Variants in AKR1B15 observed in about 807,000 individuals in gnomAD.
The protein encoded by AKR1B15 is aldo-keto reductase family 1 member B15.
In AKR1B15, 49 loss-of-function variants were observed where a neutral mutation model predicts 38.5. The ratio of observed to expected loss-of-function variants is 1.27; its 90% CI spans 1.01 to 1.62. AKR1B15 has a LOEUF of 1.62. Among genes scored for constraint, AKR1B15 ranks in the 40% most tolerant of loss-of-function variants. The pLI is 0.00. For missense variants in AKR1B15, 411 were observed against 381.6 expected (o/e 1.08, Z -0.64); for synonymous variants, 137 against 135.5 (o/e 1.01, Z -0.08).
At chr7:134,564,819 T>C (rs987034236) in intron 3 of AKR1B15, 50 bp downstream of exon 3, 7 of 581,142 alleles carry the variant, frequency 1.2e-5, no homozygotes, top group African/African-American at 1.1e-4. Flanking sequence ...AGTTGTGGTG[T>C]CCTGTTTAGA....
chr7:134,579,542 A>G lies in AKR1B15; in HGVS notation c.1028A>G (p.Glu343Gly). 1.2e-6 allele frequency: 2 copies of G among 1,600,274 alleles called. No homozygotes were observed. Among genetic ancestry groups the G allele is most frequent in the Non-Finnish European group, 1.7e-6 (2 of 1,172,824 alleles). The change falls in exon 12 of 12, where the codon GAA (glutamate) becomes GGA (glycine). Residue 343 changes from glutamate (E) to glycine (G), a missense_variant. Physicochemically the swap from Glu to Gly is moderately conservative, Grantham distance 98 (BLOSUM62 -2). Coordinates refer to ENST00000457545, the MANE Select transcript of AKR1B15 (RefSeq NM_001080538.3). ...TTGGAGGACTTTCCCTTCGATGCAG[A>G]ATATTGAGGTTGAATCTCCTGGTGA... ...SHLEDFPFDAEY is the reference protein window; with the variant it reads ...SHLEDFPFDAGY
At chr7:134,561,938 C>G (rs189115943) in intron 2 of AKR1B15, among the ~76,000 whole-genome samples, 4 of 152,288 alleles carry the variant, frequency 2.6e-5, no homozygotes, top group African/African-American at 9.6e-5. Flanking sequence ...CACAGGGAAA[C>G]CATCACAGGG....
intron 4 of AKR1B15, 57 bp downstream of exon 4, chr7:134,568,382 G>A: frequency 6.3e-7 from 1 of 1,597,352 alleles, no homozygotes; most frequent in Non-Finnish European, 8.5e-7. Flanking sequence ...GAAGTATCTG[G>A]ATCGGGTGGG....
chr7:134,567,680 G>A (rs1794570039), intron 3 of AKR1B15, among the ~76,000 whole-genome samples: 1 of 152,102 alleles, frequency 6.6e-6, no homozygotes, highest in African/African-American at 2.4e-5. Context: ...CACCGTTTGG[G>A]GAAATTGTCT....
At chr7:134,562,878 CTTT>C (rs1794448596) in intron 2 of AKR1B15, among the ~76,000 whole-genome samples, 1 of 135,072 alleles carries the variant, frequency 7.4e-6, no homozygotes, top group East Asian at 2.1e-4. Context: ...TTCTTTCTTT[CTTT>C]CTTTCTTTCC....
intron 6 of AKR1B15, among the ~76,000 whole-genome samples, chr7:134,572,601 C>T (rs1270026778): frequency 6.6e-6 from 1 of 150,776 alleles, no homozygotes; most frequent in African/African-American, 2.4e-5. Context: ...GCACTCCAGC[C>T]CAGGCGTCAG....
At position 134,575,560 on chromosome 7, in the gene AKR1B15, T is replaced by C; in HGVS notation, c.636+18T>C. On this transcript the variant is annotated intron_variant, in intron 7 of 11. Transcript: ENST00000457545. ...CTAACCAGGTAAATTCTATTCAGTT[T>C]AAGGGTAAGGGTCCTGCCCTATTAC... 1 of 1,613,566 alleles carries C rather than the reference T, an allele frequency of 6.2e-7. No individual in the cohort carries two copies. The highest frequency in any genetic ancestry group is 8.5e-7 in the Non-Finnish European group (1 of 1,179,642).
At chr7:134,560,795 C>A (rs928885650) in intron 2 of AKR1B15, among the ~76,000 whole-genome samples, 2 of 152,180 alleles carry the variant, frequency 1.3e-5, no homozygotes, top group Non-Finnish European at 2.9e-5. Context: ...AACACCACAA[C>A]CTTGAGCAAA....
At chr7:134,570,560 C>T (rs979690610) in intron 5 of AKR1B15, 4 of 152,164 alleles carry the variant, frequency 2.6e-5, no homozygotes, top group Non-Finnish European at 5.9e-5. Context: ...TAATCTTTCC[C>T]TTTATTTCTC....
chr7:134,578,264 G>A (rs1184572457), intron 11 of AKR1B15, among the ~76,000 whole-genome samples: 1 of 152,222 alleles, frequency 6.6e-6, no homozygotes, highest in Non-Finnish European at 1.5e-5. Context: ...ACAGGAAGTG[G>A]TAGGTGGTAG....
intron 2 of AKR1B15, among the ~76,000 whole-genome samples, chr7:134,559,172 T>C (rs947915183): frequency 2.6e-5 from 4 of 152,188 alleles, no homozygotes; most frequent in African/African-American, 9.7e-5. Flanking sequence ...GGCTAGTCAT[T>C]TTTTAACCCT....
At chr7:134,578,872 G>C (rs1450675491) in intron 11 of AKR1B15, among the ~76,000 whole-genome samples, 2 of 152,176 alleles carry the variant, frequency 1.3e-5, no homozygotes, top group Non-Finnish European at 2.9e-5. Context: ...GTGAACATAA[G>C]ATGTGACTCT....
rs192524871 is a variant in AKR1B15, at chr7:134,577,057, G to C, written c.909+11G>C. 6.2e-7 allele frequency: 1 copy of C among 1,609,792 alleles called. No individual in the cohort carries two copies. Among genetic ancestry groups the C allele is most frequent in the South Asian group, 1.1e-5 (1 of 90,920 alleles). On this transcript the variant is annotated intron_variant, in intron 10 of 11. Coordinates refer to ENST00000457545, the MANE Select transcript of AKR1B15 (RefSeq NM_001080538.3). ...GTTGAGAACATTCAGGTAAGTTTCC[G>C]GCTGGTCGGGCCTGGTATTCCTCAG...
At position 134,569,522 on chromosome 7, in the gene AKR1B15, G is replaced by A. The variant is rs866009184; in HGVS notation, c.428G>A (p.Gly143Glu). ...LDVYLIHWPQ[G>E]FKTGDDFFPK... ...GTCTATCTTATTCACTGGCCACAGG[G>A]ATTCAAGGTTTGAGTGACTCCCTTT... The change falls in exon 5 of 12, where the codon GGA becomes GAA. Residue 143 changes from glycine (G) to glutamate (E), a missense_variant. By Grantham distance (98) the Gly-to-Glu change is moderately conservative. This residue lies in a region of AKR1B15 where 254 missense variants were observed against 212.4 expected (regional missense o/e 1.20). Coordinates refer to ENST00000457545, the MANE Select transcript of AKR1B15 (RefSeq NM_001080538.3). 1.2e-6 allele frequency: 2 copies of A among 1,613,972 alleles called. No homozygotes were observed. Among genetic ancestry groups the A allele is most frequent in the Non-Finnish European group, 1.7e-6 (2 of 1,179,892 alleles).
At position 134,575,301 on chromosome 7, in the gene AKR1B15, T is replaced by C. The variant is rs1028451605; in HGVS notation, c.514-119T>C. 4 of 1,453,226 alleles carry C rather than the reference T, an allele frequency of 2.8e-6. No homozygotes were observed. In the African/African-American group the frequency reaches 5.7e-5, roughly 21 times the overall value. 90.0% of individuals were successfully genotyped at this position (1,453,226 alleles called of 1,614,324 possible). A position where few individuals can be genotyped will look rare whatever the true frequency, so the allele number is the denominator to read the frequency against. On this transcript the variant is annotated intron_variant, in intron 6 of 11. Transcript: ENST00000457545. ...CTGGACTGAAATTTCCTGTGAATGC[T>C]TCAGCTAACTCTGTTGCGGTGGATC...
intron 11 of AKR1B15, 94 bp downstream of exon 11, chr7:134,577,880 T>C (rs1274589177): frequency 2.1e-6 from 3 of 1,412,470 alleles, no homozygotes; most frequent in East Asian, 2.4e-5. Context: ...TTGGGACTAC[T>C]TGTGTCTTCA....
chr7:134,563,196 T>C (rs1794461058), intron 2 of AKR1B15, among the ~76,000 whole-genome samples: 2 of 152,126 alleles, frequency 1.3e-5, no homozygotes, highest in African/African-American at 4.8e-5. Context: ...AAGCCTGGAA[T>C]GGATTTTCTG....
At chr7:134,557,815 G>A (rs1224041277) in intron 2 of AKR1B15, among the ~76,000 whole-genome samples, 5 of 152,080 alleles carry the variant, frequency 3.3e-5, no homozygotes, top group African/African-American at 7.2e-5. Context: ...AGCTCTAGCC[G>A]TCTCTCGGTT....
intron 2 of AKR1B15, among the ~76,000 whole-genome samples, chr7:134,561,724 A>G (rs1794398659): frequency 6.6e-6 from 1 of 152,178 alleles, no homozygotes; most frequent in East Asian, 1.9e-4. Context: ...GCAGGCTGAA[A>G]CAGATGCTGT....
Sources: gnomAD v4.1 joint callset for allele counts (sites outside exome capture counted in the v4.1 genomes callset) on GRCh38, gnomAD v4.1.1 for gene constraint, gnomAD v4.1.1 regional missense constraint, MANE v1.5 for transcripts, NCBI Gene and HGNC (gene_info 2026-07-23, HGNC 2026-07-21) for gene names.